Variants in RPS6KA4 observed in about 807,000 individuals in gnomAD.
The protein encoded by RPS6KA4 is ribosomal protein S6 kinase A4, also known as ribosomal protein S6 kinase alpha-4.
RPS6KA4 carries 38 observed loss-of-function variants against 89.6 expected under a neutral mutation model. That is an observed-to-expected ratio of 0.42 (90% CI 0.33 to 0.56). RPS6KA4 has a LOEUF of 0.56. Among genes scored for constraint, RPS6KA4 ranks in the 20% least tolerant of loss-of-function variants. RPS6KA4 has a pLI of 0.07. For synonymous variants in RPS6KA4, 495 were observed against 492.8 expected, an observed-to-expected ratio of 1.00 and a Z score of -0.06; for missense variants, 873 against 1,098.8, an observed-to-expected ratio of 0.79 and a Z score of 2.90.
rs1162255066 is a variant in RPS6KA4 at position 64,370,306 on chromosome 11, A to G, written c.1879A>G (p.Lys627Glu). Residue 627 changes from lysine to glutamate, a missense_variant, in exon 15 of 17, where the codon AAA becomes GAA. By Grantham distance (56) the Lys-to-Glu change is moderately conservative. Transcript: ENST00000334205. The surrounding 1 kb of genome is among the most constrained non-coding windows in gnomAD (Gnocchi z 4.1). ...GQSQAAEIMC[K>E]IREGRFSLDG... ...GAGCCAGGCGGCCGAGATCATGTGCAAAATCCGCGAGGGGCGCTTCTCCCT... is the reference window on the plus strand; with the variant it reads ...GAGCCAGGCGGCCGAGATCATGTGCGAAATCCGCGAGGGGCGCTTCTCCCT... 4 of 1,592,064 alleles carry G rather than the reference A, an allele frequency of 2.5e-6. No individual in the cohort carries two copies. The Admixed American group carries it at 7.7e-5, about 31-fold the overall frequency.
chr11:64,359,531 G>T (rs1305725019), intron 2 of RPS6KA4, 82 bp downstream of exon 2: 8 of 1,467,844 alleles, frequency 5.5e-6, no homozygotes, highest in Non-Finnish European at 5.6e-6. Context: ...GCCTGGGCCA[G>T]GCCACTGAGC....
chr11:64,365,920 T>C (rs1444846006), intron 9 of RPS6KA4, among the ~76,000 whole-genome samples: 6 of 151,840 alleles, frequency 4.0e-5, no homozygotes, highest in Non-Finnish European at 7.4e-5. Context: ...GCGCCTGTAA[T>C]CCCAGCTACT....
In RPS6KA4 at chr11:64,361,098, G is replaced by C; in HGVS notation, c.463-36G>C. On this transcript the variant is annotated intron_variant, in intron 4 of 16. Coordinates refer to ENST00000334205, the MANE Select transcript of RPS6KA4 (RefSeq NM_003942.3). The surrounding 1 kb of genome is among the most constrained non-coding windows in gnomAD (Gnocchi z 4.7). ...GCTGGAGGAGCTGGGGAGGGTTTCG[G>C]GGAGGAAGCCTCAGCACCCCTCTTG... is the stretch of plus-strand genomic sequence containing the variant. The C allele has an allele frequency of 6.3e-7, 1 of 1,583,384 alleles. No homozygotes were observed.
intron 8 of RPS6KA4, among the ~76,000 whole-genome samples, chr11:64,364,800 C>T (rs940244495): frequency 3.4e-5 from 5 of 147,148 alleles, no homozygotes; most frequent in East Asian, 2.0e-4. Context: ...AGTGCAGTGG[C>T]GCTATCTTGG....
At chr11:64,363,852 A>G (rs2036814369) in intron 8 of RPS6KA4, among the ~76,000 whole-genome samples, 1 of 152,174 alleles carries the variant, frequency 6.6e-6, no homozygotes, top group Non-Finnish European at 1.5e-5. Context: ...CCTTGGTGGT[A>G]GAACTGGAGC....
intron 12 of RPS6KA4, 53 bp downstream of exon 12, chr11:64,368,850 C>A: frequency 4.4e-4 from 387 of 888,096 alleles, no homozygotes; most frequent in Non-Finnish European, 6.1e-4. Flanking sequence ...GGCGGCGGGG[C>A]TTGGGGGCAC....
Position 64,361,413 on chromosome 11 carries a change from G to A in RPS6KA4, c.571-56G>A. 1.3e-6 allele frequency: 2 copies of A among 1,589,448 alleles called. No individual in the cohort carries two copies. The highest frequency in any genetic ancestry group is 1.1e-5 in the South Asian group (1 of 90,092). On this transcript the variant is annotated intron_variant, in intron 5 of 16. Transcript: ENST00000334205. The surrounding 1 kb of genome is among the most constrained non-coding windows in gnomAD (Gnocchi z 4.7). ...GCGAGTCTTACTCTGGGCCTTGTGG[G>A]GCACTGGGGCACAGGAGAGGTTTCG...
chr11:64,361,744 C>G lies in RPS6KA4; in HGVS notation c.754C>G (p.Arg252Gly). 1.2e-6 allele frequency: 2 copies of G among 1,602,142 alleles called. No homozygotes were observed. Among genetic ancestry groups the G allele is most frequent in the Non-Finnish European group, 1.7e-6 (2 of 1,175,536 alleles). Residue 252 changes from arginine (R) to glycine (G), a missense_variant and splice_region_variant, in exon 7 of 17, where the codon CGA becomes GGA. Physicochemically the swap from Arg to Gly is moderately radical, Grantham distance 125. This residue lies in a region of RPS6KA4 where 542 missense variants were observed against 736.4 expected (regional missense o/e 0.74). Transcript: ENST00000334205. The surrounding 1 kb of genome is among the most constrained non-coding windows in gnomAD (Gnocchi z 4.7). ...GERNTQAEVS[R>G]RILKCSPPFP... is the part of the protein sequence containing the mutation. ...GAGGAACACGCAGGCTGAGGTGTCT[C>G]GGTGAGTAGGGCTGGACGTGGAGGG...
At chr11:64,365,970 C>T (rs976900771) in intron 9 of RPS6KA4, among the ~76,000 whole-genome samples, 4 of 150,626 alleles carry the variant, frequency 2.7e-5, no homozygotes, top group African/African-American at 4.9e-5. Context: ...ACCTGGGAGG[C>T]GGAGGTTGCG....
Position 64,360,033 on chromosome 11 carries a change from A to T in RPS6KA4, c.128-130A>T, listed in dbSNP as rs2036699737. The T allele has an allele frequency of 3.5e-6, 3 of 849,294 alleles. No individual in the cohort carries two copies. In the South Asian group the frequency reaches 5.4e-5, roughly 15 times the overall value. The allele number at this position is 849,294 out of a possible 1,614,324, so 52.6% of individuals were successfully genotyped here. A position where few individuals can be genotyped will look rare whatever the true frequency, so the allele number is the denominator to read the frequency against. ...TTAGAAGGCTCTGCCAGCTTTTTGCACACCTGCCTGTTGCCCCAGCTCCTT... is the reference window on the plus strand; with the variant it reads ...TTAGAAGGCTCTGCCAGCTTTTTGCTCACCTGCCTGTTGCCCCAGCTCCTT... On this transcript the variant is annotated intron_variant, in intron 2 of 16. Coordinates refer to ENST00000334205, the MANE Select transcript of RPS6KA4 (RefSeq NM_003942.3).
intron 2 of RPS6KA4, chr11:64,359,879 G>C (rs2036694592): frequency 3.6e-6 from 2 of 556,378 alleles, no homozygotes; most frequent in South Asian, 4.6e-5. Flanking sequence ...CTGATCTCTC[G>C]CAGGTTTGCA....
chr11:64,364,063 A>C (rs1344849822), intron 8 of RPS6KA4, among the ~76,000 whole-genome samples: 1 of 152,098 alleles, frequency 6.6e-6, no homozygotes, highest in African/African-American at 2.4e-5. Context: ...ACATAAAAGA[A>C]GTCCAGATTA....
rs1448724977 is a variant in RPS6KA4, at chr11:64,369,730, C to T, written c.1634C>T (p.Ala545Val). 4 of 1,611,048 alleles carry T rather than the reference C, an allele frequency of 2.5e-6. No homozygotes were observed. Among genetic ancestry groups the T allele is most frequent in the South Asian group, 1.1e-5 (1 of 90,944 alleles). Residue 545 changes from alanine (A) to valine (V), a missense_variant, in exon 14 of 17, where the codon GCC (alanine) becomes GTC (valine). Around this residue, in one of 4 missense-constraint regions of RPS6KA4, gnomAD observed 542 missense variants for 736.4 expected, o/e 0.74. Transcript: ENST00000334205. Reference protein sequence around the residue: ...NILYADDTPGAPVKIIDFGFA... With the variant: ...NILYADDTPGVPVKIIDFGFA... Reference sequence around the variant, plus strand: ...CTGTACGCCGACGACACGCCCGGGGCCCCGGTGAAAATCATCGACTTCGGG... The same window carrying T: ...CTGTACGCCGACGACACGCCCGGGGTCCCGGTGAAAATCATCGACTTCGGG...
rs2036983900 is a variant in RPS6KA4 at position 64,369,300 on chromosome 11, C to CAGAG, written c.1429-145_1429-144insGAGA. ...AGCGAGACTGTCTCCAAAAAAGTAA[C>CAGAG]AAAGAAAGAAAGAAAGAAAAAGGAC... On this transcript the variant is annotated intron_variant, in intron 12 of 16. Coordinates refer to ENST00000334205, the MANE Select transcript of RPS6KA4 (RefSeq NM_003942.3). 5.3e-6 allele frequency: 4 copies of CAGAG among 748,610 alleles called. No individual in the cohort carries two copies. The South Asian group carries it at 6.7e-5, about 13-fold the overall frequency. 46.4% of individuals were successfully genotyped at this position (748,610 alleles called of 1,614,324 possible). A position where few individuals can be genotyped will look rare whatever the true frequency, so the allele number is the denominator to read the frequency against.
intron 8 of RPS6KA4, among the ~76,000 whole-genome samples, chr11:64,362,633 G>A (rs1018873974): frequency 2.6e-5 from 4 of 152,142 alleles, no homozygotes; most frequent in Admixed American, 2.0e-4. Flanking sequence ...ACTGTGTGTC[G>A]GCCCTTTGCG....
In RPS6KA4 at chr11:64,360,295, C is replaced by T. The variant is rs2036707827; in HGVS notation, c.260C>T (p.Ser87Leu). 1 of 1,547,942 alleles carries T rather than the reference C, an allele frequency of 6.5e-7. No individual in the cohort carries two copies. Among genetic ancestry groups the T allele is most frequent in the Non-Finnish European group, 8.7e-7 (1 of 1,146,228 alleles). Residue 87 changes from serine to leucine, a missense_variant, in exon 3 of 17, where the codon TCG becomes TTG. By Grantham distance (145) the Ser-to-Leu change is moderately radical. Around this residue, in one of 4 missense-constraint regions of RPS6KA4, gnomAD observed 542 missense variants for 736.4 expected, o/e 0.74. Transcript: ENST00000334205. Reference sequence around the variant, plus strand: ...CAAGAGCACACGCGCACCGAGCGCTCGGTGCTGGAGCTGGTGCGCCAGGCG... The same window carrying T: ...CAAGAGCACACGCGCACCGAGCGCTTGGTGCTGGAGCTGGTGCGCCAGGCG... ...KTQEHTRTER[S>L]VLELVRQAPF...
Position 64,371,325 on chromosome 11 carries a change from G to C in RPS6KA4, c.2164G>C (p.Val722Leu). The change falls in exon 17 of 17, where the codon GTG (valine) becomes CTG (leucine). Residue 722 changes from valine to leucine, a missense_variant. Val to Leu is a conservative substitution (Grantham distance 32). Around this residue, in one of 4 missense-constraint regions of RPS6KA4, gnomAD observed 278 missense variants for 284.8 expected, o/e 0.98. Transcript: ENST00000334205. The part of the protein sequence containing the change: ...GKREGFFLKS[V>L]ENAPLAKRRK... ...GCGGGAGGGCTTCTTCCTGAAGAGC[G>C]TGGAGAATGCACCCCTGGCCAAGCG... 2 of 1,612,900 alleles carry C rather than the reference G, an allele frequency of 1.2e-6. No homozygotes were observed. Among genetic ancestry groups the C allele is most frequent in the Non-Finnish European group, 8.5e-7 (1 of 1,179,956 alleles).
rs1275963766 is a variant in RPS6KA4, at chr11:64,361,476, GGACCTTCTCCTTCTGTGGCA to G, written c.579_598del (p.Thr194HisfsTer11). On this transcript the variant is annotated frameshift_variant, in exon 6 of 17. Transcript: ENST00000334205. LOFTEE classifies it high-confidence loss of function. The surrounding 1 kb of genome is among the most constrained non-coding windows in gnomAD (Gnocchi z 4.7). ...GACCTCTTGCCCTCCCAGAAAGAGC[GGACCTTCTCCTTCTGTGGCA>G]CCATCGAGTACATGGCCCCCGAAAT... is the stretch of plus-strand genomic sequence containing the variant. 1 of 1,613,952 alleles carries G rather than the reference GGACCTTCTCCTTCTGTGGCA, an allele frequency of 6.2e-7. No individual in the cohort carries two copies. Among genetic ancestry groups the G allele is most frequent in the Non-Finnish European group, 8.5e-7 (1 of 1,180,012 alleles).
rs772710232 is a variant in RPS6KA4, at chr11:64,369,438, GC to G, written c.1429-5del. On this transcript the variant is annotated splice_polypyrimidine_tract_variant and splice_region_variant and intron_variant, in intron 12 of 16. Coordinates refer to ENST00000334205, the MANE Select transcript of RPS6KA4 (RefSeq NM_003942.3). ...GGTGTTGACCTTGGCCCGCCACGCC[GC>G]CCGCAGCTGCACACGTACCTGGTCC... 1.5e-4 allele frequency: 237 copies of G among 1,586,070 alleles called. No individual in the cohort carries two copies. Among genetic ancestry groups the G allele is most frequent in the African/African-American group, 3.9e-4 (29 of 74,356 alleles).
Sources: allele counts gnomAD v4.1 joint callset (sites outside exome capture counted in the v4.1 genomes callset), GRCh38; gene constraint gnomAD v4.1.1; regional missense constraint gnomAD v4.1.1; non-coding constraint Gnocchi (gnomAD v3.1); transcripts MANE v1.5; gene names NCBI Gene and HGNC (gene_info 2026-07-23, HGNC 2026-07-21).